The following PRELID2 variants were observed in gnomAD, a reference collection of about 807,000 sequenced individuals.
PRELID2 encodes PRELI domain-containing protein 2.
PRELID2 carries 25 observed loss-of-function variants against 28.4 expected under a neutral mutation model. The ratio of observed to expected loss-of-function variants is 0.88; its 90% CI spans 0.64 to 1.23. The LOEUF (loss-of-function observed/expected upper bound fraction) is 1.23. Ranked by LOEUF, PRELID2 falls within the 50% of genes most tolerant of loss-of-function variation. The pLI is 0.00. For synonymous variants in PRELID2, 76 were observed against 71.6 expected, an observed-to-expected ratio of 1.06 and a Z score of -0.31; for missense variants, 201 against 214.4, an observed-to-expected ratio of 0.94 and a Z score of 0.39.
chr5:145,467,453 G>A (rs1355128248), downstream of PRELID2, among the ~76,000 whole-genome samples: 1 of 152,064 alleles, frequency 6.6e-6, no homozygotes, highest in East Asian at 1.9e-4. Flanking sequence ...CTAAAAAAAA[G>A]AATGAAAGGA....
At chr5:145,481,481 G>A (rs1206302865) in intron 1 of PRELID2, among the ~76,000 whole-genome samples, 1 of 151,542 alleles carries the variant, frequency 6.6e-6, no homozygotes, top group African/African-American at 2.4e-5. Flanking sequence ...ATTTGATCTT[G>A]TTTATGTAGA....
At chr5:145,390,497 G>A in the PRELID2 span, among the ~76,000 whole-genome samples, 2 of 152,106 alleles carry the variant, frequency 1.3e-5, no homozygotes, top group Admixed American at 1.3e-4. Context: ...GATATCATGA[G>A]AATTTGAGAA....
chr5:145,333,375 C>T, the PRELID2 span, among the ~76,000 whole-genome samples: 1 of 152,182 alleles, frequency 6.6e-6, no homozygotes, highest in Non-Finnish European at 1.5e-5. Flanking sequence ...CCCACAGCTT[C>T]CCCTTCCCCC....
In PRELID2 at chr5:145,492,782, G is replaced by A. The variant is rs761465252; in HGVS notation, n.71-19467C>T. Among the ~76,000 whole-genome samples the A allele has an allele frequency of 1.1e-4, 16 of 140,716 alleles. 4 individuals carry two copies. The highest frequency in any genetic ancestry group is 2.4e-4 in the Non-Finnish European group (15 of 62,500). The allele number at this position is 140,716 out of a possible 152,430, so 92.3% of individuals were successfully genotyped here. A position where few individuals can be genotyped will look rare whatever the true frequency, so the allele number is the denominator to read the frequency against. ...TCCAGAATCTAGGGCTGCTGTTGTC[G>A]GCCCAGAAGTGGTGCAGGCCAGAGA... On this transcript the variant is annotated intron_variant and non_coding_transcript_variant, in intron 1 of 2. Coordinates refer to the PRELID2 transcript ENST00000510259.
chr5:145,834,192 GA>G (rs1755786624), intron 1 of PRELID2, among the ~76,000 whole-genome samples: 1 of 152,094 alleles, frequency 6.6e-6, no homozygotes, highest in Non-Finnish European at 1.5e-5. Context: ...GTAGCAGTGA[GA>G]AAAAGAAAAA....
chr5:145,579,409 T>C (rs1753088953), intron 1 of PRELID2, among the ~76,000 whole-genome samples: 2 of 152,134 alleles, frequency 1.3e-5, no homozygotes, highest in Non-Finnish European at 2.9e-5. Context: ...AGCTAATCTT[T>C]ATCATTTAAT....
intron 1 of PRELID2, among the ~76,000 whole-genome samples, chr5:145,481,770 G>A (rs549110244): frequency 1.8e-4 from 27 of 151,726 alleles, no homozygotes; most frequent in African/African-American, 6.0e-4. Context: ...ACAAACATCA[G>A]AATGCCTCAT....
chr5:145,284,160 T>C, the PRELID2 span, among the ~76,000 whole-genome samples: 1 of 152,236 alleles, frequency 6.6e-6, no homozygotes, highest in Non-Finnish European at 1.5e-5. Context: ...TTAATGCAGA[T>C]AAAGTGCTTA....
intron 1 of PRELID2, among the ~76,000 whole-genome samples, chr5:145,713,656 GTATATATAGTGTGTGTA>G (rs1308266220): frequency 2.2e-5 from 2 of 91,158 alleles, no homozygotes; most frequent in African/African-American, 5.3e-5. Context: ...TATATATAAA[GTATATATAGTGTGTGTA>G]TATATATATA....
Position 145,733,123 on chromosome 5 carries a change from C to T in PRELID2, n.70+31808G>A, listed in dbSNP as rs992078108. Among the ~76,000 whole-genome samples, 5 of 151,182 alleles carry T rather than the reference C, an allele frequency of 3.3e-5. No individual in the cohort carries two copies. The East Asian group carries it at 7.8e-4, about 24-fold the overall frequency. On this transcript the variant is annotated intron_variant and non_coding_transcript_variant, in intron 1 of 2. Coordinates refer to the PRELID2 transcript ENST00000510259. ...AAAGAAAAACAGCTGTGCATGGTGGCGTACACCTGTAGTCCCAGCTACTCG... is the reference window on the plus strand; with the variant it reads ...AAAGAAAAACAGCTGTGCATGGTGGTGTACACCTGTAGTCCCAGCTACTCG...
At chr5:145,445,372 A>C in the PRELID2 span, among the ~76,000 whole-genome samples, 84 of 152,230 alleles carry the variant, frequency 5.5e-4, 1 homozygote, top group East Asian at 0.014. Flanking sequence ...CTATTCAAAA[A>C]TCAACTCAAA....
the PRELID2 span, among the ~76,000 whole-genome samples, chr5:145,248,344 A>G: frequency 6.6e-6 from 1 of 152,054 alleles, no homozygotes; most frequent in Non-Finnish European, 1.5e-5. Flanking sequence ...GGTTGGTTTT[A>G]TTTTATAATT....
At chr5:145,693,770 T>C (rs1056238676) in intron 1 of PRELID2, among the ~76,000 whole-genome samples, 48 of 152,060 alleles carry the variant, frequency 3.2e-4, no homozygotes, top group African/African-American at 1.2e-3. Context: ...TGAGACTCTA[T>C]CTCCAAAAAA....
chr5:145,820,890 C>T (rs1292110957), intron 2 of PRELID2, among the ~76,000 whole-genome samples: 1 of 152,138 alleles, frequency 6.6e-6, no homozygotes, highest in Non-Finnish European at 1.5e-5. Context: ...AGTTAGAAGA[C>T]AGCCAAGCGG....
intron 1 of PRELID2, chr5:145,729,053 T>C: frequency 1.6e-6 from 1 of 624,502 alleles, no homozygotes; most frequent in East Asian, 2.6e-5. Flanking sequence ...ACATAATAAA[T>C]GCCTTAAGAA....
chr5:145,692,030 G>C (rs1484242141), intron 1 of PRELID2, among the ~76,000 whole-genome samples: 2 of 152,094 alleles, frequency 1.3e-5, no homozygotes, highest in Non-Finnish European at 2.9e-5. Flanking sequence ...TATGATGCTT[G>C]CTTGAATCCC....
intron 1 of PRELID2, among the ~76,000 whole-genome samples, chr5:145,681,209 G>A (rs186109418): frequency 3.9e-5 from 6 of 152,272 alleles, no homozygotes; most frequent in East Asian, 1.9e-4. Context: ...AGGGAGGCAC[G>A]AGCGAAAATG....
At chr5:145,252,433 C>T in the PRELID2 span, among the ~76,000 whole-genome samples, 2 of 152,184 alleles carry the variant, frequency 1.3e-5, no homozygotes, top group South Asian at 2.1e-4. Context: ...TATTTAATTT[C>T]TCTGTGGTTT....
At chr5:145,829,056 G>A (rs1453396795) in intron 1 of PRELID2, among the ~76,000 whole-genome samples, 2 of 151,570 alleles carry the variant, frequency 1.3e-5, no homozygotes, top group African/African-American at 4.9e-5. Context: ...TTTTGTTGTT[G>A]TTGGTGGTGG....
Sources: gnomAD v4.1 joint callset for allele counts (sites outside exome capture counted in the v4.1 genomes callset) on GRCh38, gnomAD v4.1.1 for gene constraint, MANE v1.5 for transcripts, NCBI Gene and HGNC (gene_info 2026-07-23, HGNC 2026-07-21) for gene names.